The following FLT4 variants were observed in gnomAD, a reference collection of about 807,000 sequenced individuals.
The protein encoded by FLT4 is fms related receptor tyrosine kinase 4.
FLT4 carries 30 observed loss-of-function variants against 163.2 expected under a neutral mutation model. That is an observed-to-expected ratio of 0.18 (90% CI 0.14 to 0.25). The LOEUF is 0.25. FLT4 is among the 10% of genes least tolerant of loss of function. FLT4 has a pLI of 1.00. For synonymous variants in FLT4, 884 were observed against 789.5 expected (o/e 1.12, Z -2.01); for missense variants, 1,510 against 1,863.8 (o/e 0.81, Z 3.50).
At chr5:180,631,124 G>A (rs1291369404) in intron 2 of FLT4, among the ~76,000 whole-genome samples, 2 of 152,038 alleles carry the variant, frequency 1.3e-5, no homozygotes, top group African/African-American at 2.4e-5. Flanking sequence ...AGGTGGCCTG[G>A]GGTCAGTGTG....
chr5:180,643,377 G>A (rs1033546039), intron 1 of FLT4, among the ~76,000 whole-genome samples: 7 of 152,298 alleles, frequency 4.6e-5, no homozygotes, highest in Admixed American at 3.9e-4. Context: ...CATCCTGACA[G>A]CAGCTTGGCG....
intron 21 of FLT4, among the ~76,000 whole-genome samples, chr5:180,617,658 GGGACACCCAC>G (rs1762774680): frequency 1.1e-3 from 1 of 904 alleles, no homozygotes; most frequent in African/African-American, 9.1e-3. Context: ...CTCAGCCTCT[GGGACACCCAC>G]GTCCTACTCC....
At chr5:180,641,641 G>A (rs1396879751) in intron 1 of FLT4, among the ~76,000 whole-genome samples, 1 of 152,194 alleles carries the variant, frequency 6.6e-6, no homozygotes, top group African/African-American at 2.4e-5. Flanking sequence ...GACCTGGGGG[G>A]AGGCAGCAGG....
At chr5:180,607,518 G>A (rs1761866847) in intron 29 of FLT4, among the ~76,000 whole-genome samples, 2 of 151,598 alleles carry the variant, frequency 1.3e-5, no homozygotes, top group Admixed American at 1.3e-4. Context: ...GCGGGTGCCT[G>A]TAGTCCCAGC....
rs957252000 is a variant in FLT4, at chr5:180,601,875, G to A, written c.*1317C>T. The A allele has an allele frequency of 3.0e-5, 7 of 233,564 alleles. No homozygotes were observed. In the South Asian group the frequency reaches 7.2e-4, roughly 24 times the overall value. The allele number at this position is 233,564 out of a possible 1,614,324, so 14.5% of individuals were successfully genotyped here. On this transcript the variant is annotated 3_prime_UTR_variant, in exon 30 of 30. Coordinates refer to ENST00000261937, the MANE Select transcript of FLT4 (RefSeq NM_182925.5). ...GGCCGGGCAAGCCCCTGCCCGCTGC[G>A]CGGCGCCTGTCCTGCAAGCGTCTGG...
intron 1 of FLT4, among the ~76,000 whole-genome samples, chr5:180,641,507 C>T (rs1261275578): frequency 2.0e-5 from 3 of 152,196 alleles, no homozygotes. Context: ...ACAAAGGCAG[C>T]CAGAAGCCAG....
chr5:180,640,096 G>A (rs1049750466), intron 1 of FLT4, among the ~76,000 whole-genome samples: 3 of 152,222 alleles, frequency 2.0e-5, no homozygotes, highest in Non-Finnish European at 4.4e-5. Flanking sequence ...GCGGGCGTGG[G>A]AGCAGCACAG....
At chr5:180,624,227 G>GTT (rs397737232) in intron 10 of FLT4, among the ~76,000 whole-genome samples, 166 bp from the exon 11 acceptor site, 5,776 of 134,990 alleles carry the variant, frequency 0.043, 193 homozygotes, top group East Asian at 0.17. Context: ...GGACTTTGGT[G>GTT]TTTTTTTTTT....
chr5:180,620,735 C>A lies in FLT4; in HGVS notation c.2300-20G>T. The A allele has an allele frequency of 6.3e-7, 1 of 1,590,128 alleles. No homozygotes were observed. Among genetic ancestry groups the A allele is most frequent in the Non-Finnish European group, 8.6e-7 (1 of 1,161,334 alleles). ...CGGAGCCTGCGTGGGCAGAAAGGGG[C>A]CGGCGTGTGTGTGTGTGTGTGTAAG... On this transcript the variant is annotated intron_variant, in intron 15 of 29. Coordinates refer to ENST00000261937, the MANE Select transcript of FLT4 (RefSeq NM_182925.5). This position sits in a 1 kb window ranked among gnomAD's most constrained non-coding sequence, Gnocchi z 4.4.
Position 180,612,605 on chromosome 5 carries a change from G to A in FLT4, c.3438C>T (p.Arg1146=), listed in dbSNP as rs2127794587. The part of the protein sequence containing the change: ...APELATPAIR[R]IMLNCWSGDP... ...CTCCGGACCAGCAGTTCAGCATGAT[G>A]CGGCGTCTGCAGGATCACGTGGGCT... The change falls in exon 26 of 30, where the codon CGC becomes CGT. Residue 1146 remains arginine, a synonymous_variant. Coordinates refer to ENST00000261937, the MANE Select transcript of FLT4 (RefSeq NM_182925.5). 1 of 1,612,458 alleles carries A rather than the reference G, an allele frequency of 6.2e-7. No homozygotes were observed. The highest frequency in any genetic ancestry group is 8.5e-7 in the Non-Finnish European group (1 of 1,178,528).
In FLT4 at chr5:180,602,324, C is replaced by T. The variant is rs998582061; in HGVS notation, c.*868G>A. On this transcript the variant is annotated 3_prime_UTR_variant, in exon 30 of 30. Transcript: ENST00000261937. ...CCGGCAGCTCCAGACCCAGGCTCCT[C>T]GGAGTCTGGGCCAGGTGGGAGAGCA... 6 of 287,328 alleles carry T rather than the reference C, an allele frequency of 2.1e-5. No homozygotes were observed. Among genetic ancestry groups the T allele is most frequent in the Admixed American group, 5.2e-5 (1 of 19,188 alleles). 17.8% of individuals were successfully genotyped at this position (287,328 alleles called of 1,614,324 possible).
chr5:180,624,131 T>C lies in FLT4; in HGVS notation c.1422-70A>G, dbSNP rs917623812. On this transcript the variant is annotated intron_variant, in intron 10 of 29. Transcript: ENST00000261937. ...GGAAGGGCCCACATGGGGGGCGGGG[T>C]CAAGCCCTTGTCATATCCAGTCACC... 1.1e-5 allele frequency: 17 copies of C among 1,581,004 alleles called. No homozygotes were observed. In the East Asian group the frequency reaches 3.8e-4, roughly 35 times the overall value.
chr5:180,646,268 C>A (rs1282242265), intron 1 of FLT4, among the ~76,000 whole-genome samples: 1 of 152,170 alleles, frequency 6.6e-6, no homozygotes. Context: ...CTGTCCCCAC[C>A]ATCCCCAGCT....
chr5:180,611,573 C>T (rs396014), intron 26 of FLT4, 94 bp from the exon 27 acceptor site: 2 of 1,365,932 alleles, frequency 1.5e-6, no homozygotes, highest in South Asian at 1.3e-5. Context: ...CGCCCTCAGC[C>T]CTCACCCCCG....
chr5:180,630,732 T>C lies in FLT4; in HGVS notation c.223A>G (p.Ser75Gly). ...TCTCGCACCACCCCCGTGTCCTCGC[T>C]GTCCTTGTCTCCGGTGGCTGGCGCC... ...QEAPATGDKD[S>G]EDTGVVRDCE... The change falls in exon 3 of 30, where the codon AGC (serine) becomes GGC (glycine). Residue 75 changes from serine to glycine, a missense_variant. Ser to Gly is a moderately conservative substitution (Grantham distance 56). Around this residue, in one of 5 missense-constraint regions of FLT4, gnomAD observed 157 missense variants for 178.7 expected, o/e 0.88. Transcript: ENST00000261937. This position sits in a 1 kb window ranked among gnomAD's most constrained non-coding sequence, Gnocchi z 6.3. The C allele has an allele frequency of 6.2e-7, 1 of 1,611,432 alleles. No individual in the cohort carries two copies. The highest frequency in any genetic ancestry group is 8.5e-7 in the Non-Finnish European group (1 of 1,179,894).
At chr5:180,619,429 G>T in intron 18 of FLT4, 63 bp from the exon 19 acceptor site, 1 of 1,261,400 alleles carries the variant, frequency 7.9e-7, no homozygotes, top group South Asian at 1.2e-5. Flanking sequence ...CCCGCCACCC[G>T]GCGCTTTTGG....
Position 180,620,190 on chromosome 5 carries a change from C to T in FLT4, c.2525G>A (p.Arg842Gln), listed in dbSNP as rs770500099. ...SYDASQWEFPRERLHLGRVLG... is the reference protein window; with the variant it reads ...SYDASQWEFPQERLHLGRVLG... ...GGCCTCACCCAGGTGCAGCCGCTCTCGGGGGAATTCCCACTGGCTGGCATC... is the reference window on the plus strand; with the variant it reads ...GGCCTCACCCAGGTGCAGCCGCTCTTGGGGGAATTCCCACTGGCTGGCATC... Residue 842 changes from arginine to glutamine, a missense_variant, in exon 17 of 30, where the codon CGA (arginine) becomes CAA (glutamine). Arg to Gln is a conservative substitution (Grantham distance 43). Coordinates refer to ENST00000261937, the MANE Select transcript of FLT4 (RefSeq NM_182925.5). This position sits in a 1 kb window ranked among gnomAD's most constrained non-coding sequence, Gnocchi z 4.4. 11 of 1,608,356 alleles carry T rather than the reference C, an allele frequency of 6.8e-6. No individual in the cohort carries two copies. The highest frequency in any genetic ancestry group is 8.5e-7 in the Non-Finnish European group (1 of 1,179,790).
chr5:180,619,179 C>T, intron 19 of FLT4, 70 bp from the exon 20 acceptor site: 2 of 1,281,012 alleles, frequency 1.6e-6, no homozygotes, highest in African/African-American at 1.6e-5. Flanking sequence ...TCCGCGTTTG[C>T]ACCCGCGCCC....
At chr5:180,613,907 G>A (rs1762410239) in intron 24 of FLT4, 161 bp downstream of exon 24, 1 of 696,242 alleles carries the variant, frequency 1.4e-6, no homozygotes, top group Non-Finnish European at 2.6e-6. Context: ...GCCAGGCTGG[G>A]GAGAGGTGGG....
Sources: gnomAD v4.1 joint callset for allele counts (sites outside exome capture counted in the v4.1 genomes callset) on GRCh38, gnomAD v4.1.1 for gene constraint, gnomAD v4.1.1 regional missense constraint, Gnocchi (gnomAD v3.1) non-coding constraint, MANE v1.5 for transcripts, NCBI Gene and HGNC (gene_info 2026-07-23, HGNC 2026-07-21) for gene names.